The following NSG1 variants were observed in gnomAD, a reference collection of about 807,000 sequenced individuals.
The protein encoded by NSG1 is neuronal vesicle trafficking associated 1, also known as neuronal vesicle trafficking-associated protein 1.
In NSG1, 9 loss-of-function variants were observed where a neutral mutation model predicts 19.3. The ratio of observed to expected loss-of-function variants is 0.47; its 90% confidence interval spans 0.28 to 0.81. NSG1 has a LOEUF of 0.81. NSG1 is among the 40% of genes least tolerant of loss of function. The pLI is 0.11. For synonymous variants in NSG1, 104 were observed against 107.0 expected, an observed-to-expected ratio of 0.97 and a Z score of 0.17; for missense variants, 236 against 242.4, an observed-to-expected ratio of 0.97 and a Z score of 0.18.
intron 3 of NSG1, among the ~76,000 whole-genome samples, chr4:4,407,143 C>T (rs536134238): frequency 6.6e-6 from 1 of 152,330 alleles, no homozygotes; most frequent in South Asian, 2.1e-4. Flanking sequence ...TAGGCCATCC[C>T]AGTGGACTGG....
intron 3 of NSG1, among the ~76,000 whole-genome samples, chr4:4,395,917 T>TGCA (rs57925042): frequency 5.4e-4 from 82 of 152,320 alleles, no homozygotes; most frequent in Admixed American, 1.8e-3. Context: ...TCTTTTTGCA[T>TGCA]GCAGCTTTCT....
At chr4:4,411,932 G>A (rs576893348) in intron 4 of NSG1, among the ~76,000 whole-genome samples, 1 of 151,856 alleles carries the variant, frequency 6.6e-6, no homozygotes, top group African/African-American at 2.4e-5. Context: ...AGTAACATAC[G>A]CGTTTATTGT....
In NSG1 at chr4:4,417,253, G is replaced by A. The variant is rs370655501; in HGVS notation, c.376G>A (p.Glu126Lys). Residue 126 changes from glutamate to lysine, a missense_variant, in exon 5 of 5, where the codon GAA becomes AAA. Glu to Lys is a moderately conservative substitution (Grantham distance 56, BLOSUM62 1). Transcript: ENST00000621129. Reference sequence around the variant, plus strand: ...CTTTCAGAACACCCAGTGCATCCCAGAAGGCTTGGAGAGCTACTACGCGGA... The same window carrying A: ...CTTTCAGAACACCCAGTGCATCCCAAAAGGCTTGGAGAGCTACTACGCGGA... ...FVLKNTQCIP[E>K]GLESYYAEQD... 1.2e-6 allele frequency: 2 copies of A among 1,613,964 alleles called. No individual in the cohort carries two copies. The highest frequency in any genetic ancestry group is 2.7e-5 in the African/African-American group (2 of 74,922).
chr4:4,415,292 C>G (rs1225400223), intron 4 of NSG1, among the ~76,000 whole-genome samples: 3 of 152,164 alleles, frequency 2.0e-5, no homozygotes, highest in African/African-American at 7.2e-5. Context: ...CTCCCGTGCC[C>G]CACAAGACAG....
At chr4:4,398,801 G>GC (rs1723401811) in intron 3 of NSG1, among the ~76,000 whole-genome samples, 2 of 152,166 alleles carry the variant, frequency 1.3e-5, no homozygotes, top group African/African-American at 4.8e-5. Flanking sequence ...GGGGGTATAT[G>GC]CCCCGGAGTA....
chr4:4,387,542 C>CA, intron 1 of NSG1, 62 bp from the exon 2 acceptor site: 1 of 870,568 alleles, frequency 1.1e-6, no homozygotes, highest in Non-Finnish European at 1.8e-6. Context: ...TGGGTGCCCA[C>CA]TTCCCCCCCG....
At chr4:4,387,269 A>C in intron 1 of NSG1, 96 bp downstream of exon 1, 1 of 219,732 alleles carries the variant, frequency 4.6e-6, no homozygotes, top group Non-Finnish European at 8.9e-6. Context: ...AGTACGCGGG[A>C]CGGGGCTGTG....
chr4:4,415,506 A>C (rs1724476827), intron 4 of NSG1, among the ~76,000 whole-genome samples: 1 of 152,076 alleles, frequency 6.6e-6, no homozygotes, highest in Non-Finnish European at 1.5e-5. Context: ...ATGTGGGCTC[A>C]CGGCAAGGCC....
intron 3 of NSG1, among the ~76,000 whole-genome samples, chr4:4,398,509 A>AT (rs1723389186): frequency 5.3e-5 from 8 of 152,010 alleles, no homozygotes; most frequent in Admixed American, 3.3e-4. Context: ...TACCTATTCT[A>AT]GACATGTCAT....
chr4:4,400,646 C>A (rs924894369), intron 3 of NSG1, among the ~76,000 whole-genome samples: 3 of 152,136 alleles, frequency 2.0e-5, no homozygotes, highest in Non-Finnish European at 4.4e-5. Context: ...TTATAGTTTT[C>A]AGTGTACAAA....
At chr4:4,396,062 G>A (rs1407674401) in intron 3 of NSG1, among the ~76,000 whole-genome samples, 1 of 152,220 alleles carries the variant, frequency 6.6e-6, no homozygotes, top group Non-Finnish European at 1.5e-5. Context: ...GCGGCCAGCT[G>A]CTTGGGCTTC....
At chr4:4,402,894 G>A (rs1305683749) in intron 3 of NSG1, among the ~76,000 whole-genome samples, 2 of 152,228 alleles carry the variant, frequency 1.3e-5, no homozygotes, top group Non-Finnish European at 2.9e-5. Context: ...CAACCCACGG[G>A]GCGTGGATGG....
Position 4,387,588 on chromosome 4 carries a change from G to T in NSG1, c.-26-16G>T, listed in dbSNP as rs1285897863. On this transcript the variant is annotated splice_polypyrimidine_tract_variant and intron_variant, in intron 1 of 4. Transcript: ENST00000621129. Reference sequence around the variant, plus strand: ...GGTCTTGCTTGTGGTGACTCCCCCCGGCCCTCCCGCCGCAGGCTGCAGCCT... The same window carrying T: ...GGTCTTGCTTGTGGTGACTCCCCCCTGCCCTCCCGCCGCAGGCTGCAGCCT... The T allele has an allele frequency of 9.1e-7, 1 of 1,096,224 alleles. No homozygotes were observed. Among genetic ancestry groups the T allele is most frequent in the Non-Finnish European group, 1.2e-6 (1 of 822,222 alleles). 67.9% of individuals were successfully genotyped at this position (1,096,224 alleles called of 1,614,324 possible). A position where few individuals can be genotyped will look rare whatever the true frequency, so the allele number is the denominator to read the frequency against.
At chr4:4,391,247 C>G (rs565073824) in intron 2 of NSG1, among the ~76,000 whole-genome samples, 2 of 152,300 alleles carry the variant, frequency 1.3e-5, no homozygotes, top group African/African-American at 4.8e-5. Flanking sequence ...CTTCTGTGCC[C>G]CTCGGTTATA....
chr4:4,412,085 C>T (rs1267491526), intron 4 of NSG1, among the ~76,000 whole-genome samples: 1 of 152,180 alleles, frequency 6.6e-6, no homozygotes, highest in Admixed American at 6.5e-5. Flanking sequence ...GCGAGGTCAC[C>T]AGGCGACAGG....
intron 1 of NSG1, 43 bp from the exon 2 acceptor site, chr4:4,387,561 C>CGGGGGGGGGGGTGGGG: frequency 1.8e-6 from 2 of 1,141,992 alleles, no homozygotes; most frequent in South Asian, 1.5e-5. Context: ...CGCCCCGCCC[C>CGGGGGGGGGGGTGGGG]GGGTCTTGCT....
chr4:4,405,199 C>T (rs1394691530), intron 3 of NSG1, among the ~76,000 whole-genome samples: 1 of 152,202 alleles, frequency 6.6e-6, no homozygotes, highest in African/African-American at 2.4e-5. Flanking sequence ...CTTGGCTTTG[C>T]TGTGTAGACA....
In NSG1 at chr4:4,410,800, A is replaced by G. The variant is rs116142296; in HGVS notation, c.357+1117A>G. Among the ~76,000 whole-genome samples the G allele has an allele frequency of 4.5e-3, 691 of 152,296 alleles. 1 individual carries two copies. The highest frequency in any genetic ancestry group is 7.7e-3 in the Non-Finnish European group (526 of 68,016). Reference sequence around the variant, plus strand: ...GACATGTGGGCTACACTCCATTCATAACATACTCTTTCTTCAGTAATAAAT... The same window carrying G: ...GACATGTGGGCTACACTCCATTCATGACATACTCTTTCTTCAGTAATAAAT... On this transcript the variant is annotated intron_variant, in intron 4 of 4. Coordinates refer to ENST00000621129, the MANE Select transcript of NSG1 (RefSeq NM_014392.5).
intron 3 of NSG1, among the ~76,000 whole-genome samples, chr4:4,394,670 T>A (rs1723163755): frequency 6.6e-6 from 1 of 152,170 alleles, no homozygotes; most frequent in South Asian, 2.1e-4. Context: ...AGCCGCTCTA[T>A]GCCAGCCATG....
Sources: gnomAD v4.1 joint callset for allele counts (sites outside exome capture counted in the v4.1 genomes callset) on GRCh38, gnomAD v4.1.1 for gene constraint, MANE v1.5 for transcripts, NCBI Gene and HGNC (gene_info 2026-07-23, HGNC 2026-07-21) for gene names.